Variants in AFP observed in about 807,000 individuals in gnomAD.
The protein encoded by AFP is alpha-fetoprotein.
AFP carries 64 observed loss-of-function variants against 78.9 expected under a neutral mutation model. That is an observed-to-expected ratio of 0.81 (90% CI 0.66 to 1.00). The LOEUF is 1.00. Among genes scored for constraint, AFP ranks in the 50% least tolerant of loss-of-function variants. The pLI is 0.00. For missense variants in AFP, 689 were observed against 703.8 expected (o/e 0.98, Z 0.24); for synonymous variants, 254 against 243.8 (o/e 1.04, Z -0.39).
At chr4:73,454,083 G>A (rs988262880) in intron 13 of AFP, among the ~76,000 whole-genome samples, 186 bp downstream of exon 13, 3 of 151,466 alleles carry the variant, frequency 2.0e-5, no homozygotes, top group Middle Eastern at 3.2e-3. Context: ...TTAATATTAG[G>A]AAAATTTATA....
intron 3 of AFP, among the ~76,000 whole-genome samples, chr4:73,438,949 C>A (rs2149333004): frequency 6.6e-6 from 1 of 152,190 alleles, no homozygotes. Flanking sequence ...TGGGAACCAC[C>A]AAATGGCAGA....
At position 73,450,236 on chromosome 4, in the gene AFP, T is replaced by C. The variant is rs1051493169; in HGVS notation, c.1289+103T>C. 13 of 998,302 alleles carry C rather than the reference T, an allele frequency of 1.3e-5. No homozygotes were observed. In the East Asian group the frequency reaches 3.4e-4, roughly 26 times the overall value. The allele number at this position is 998,302 out of a possible 1,614,324, so 61.8% of individuals were successfully genotyped here. A position where few individuals can be genotyped will look rare whatever the true frequency, so the allele number is the denominator to read the frequency against. On this transcript the variant is annotated intron_variant, in intron 10 of 14. Coordinates refer to ENST00000395792, the MANE Select transcript of AFP (RefSeq NM_001134.3). ...GAAGCAACAAGAATGACCTGTGAGG[T>C]CTGATCTGTGGTATTGACTTTAAGT... is the stretch of plus-strand genomic sequence containing the variant.
chr4:73,450,646 C>G lies in AFP; in HGVS notation c.1321C>G (p.Gln441Glu). 1 of 1,614,190 alleles carries G rather than the reference C, an allele frequency of 6.2e-7. No homozygotes were observed. The highest frequency in any genetic ancestry group is 1.3e-5 in the African/African-American group (1 of 75,054). ...CGTTGCTTACACAAAGAAAGCCCCCCAGCTGACCTCGTCGGAGCTGATGGC... is the reference window on the plus strand; with the variant it reads ...CGTTGCTTACACAAAGAAAGCCCCCGAGCTGACCTCGTCGGAGCTGATGGC... Reference protein sequence around the residue: ...FLVAYTKKAPQLTSSELMAIT... With the variant: ...FLVAYTKKAPELTSSELMAIT... The change falls in exon 11 of 15, where the codon CAG (glutamine) becomes GAG (glutamate). Residue 441 changes from glutamine to glutamate, a missense_variant. By Grantham distance (29) the Gln-to-Glu change is conservative. Transcript: ENST00000395792.
rs768712248 is a variant in AFP at position 73,442,406 on chromosome 4, C to A, written c.593C>A (p.Ala198Glu). The change falls in exon 5 of 15, where the codon GCA (alanine) becomes GAA (glutamate). Residue 198 changes from alanine to glutamate, a missense_variant. Physicochemically the swap from Ala to Glu is moderately radical, Grantham distance 107 (BLOSUM62 -1). Coordinates refer to ENST00000395792, the MANE Select transcript of AFP (RefSeq NM_001134.3). ...IIPSCCKAEN[A>E]VECFQTKAAT... Reference sequence around the variant, plus strand: ...CCATCTTGCTGCAAAGCTGAAAATGCAGTTGAATGCTTCCAAACAAAGGTA... The same window carrying A: ...CCATCTTGCTGCAAAGCTGAAAATGAAGTTGAATGCTTCCAAACAAAGGTA... The A allele has an allele frequency of 1.2e-6, 2 of 1,614,054 alleles. No individual in the cohort carries two copies. The highest frequency in any genetic ancestry group is 1.7e-5 in the Admixed American group (1 of 60,028).
intron 3 of AFP, among the ~76,000 whole-genome samples, 169 bp downstream of exon 3, chr4:73,438,475 T>C (rs369717796): frequency 3.4e-4 from 51 of 152,104 alleles, no homozygotes; most frequent in African/African-American, 1.2e-3. Flanking sequence ...AAGAGAACAA[T>C]AGGTAGTTAT....
At chr4:73,449,665 C>A (rs1471957647) in intron 9 of AFP, among the ~76,000 whole-genome samples, 198 bp downstream of exon 9, 1 of 152,154 alleles carries the variant, frequency 6.6e-6, no homozygotes, top group Non-Finnish European at 1.5e-5. Context: ...AATTGCTTCT[C>A]AGCCTTTTGG....
Position 73,445,141 on chromosome 4 carries a change from T to C in AFP, c.843+19T>C, listed in dbSNP as rs772835409. ...GGATGGGGTGAAGAGTCTTGCTTCT[T>C]AAAATAGAAGATTTTCACTCCCTTT... On this transcript the variant is annotated intron_variant, in intron 7 of 14. Transcript: ENST00000395792. The C allele has an allele frequency of 5.6e-6, 9 of 1,613,190 alleles. No individual in the cohort carries two copies. The highest frequency in any genetic ancestry group is 2.7e-5 in the African/African-American group (2 of 74,890).
At position 73,438,284 on chromosome 4, in the gene AFP, CTTCAGGG is replaced by C; in HGVS notation, c.250_256del (p.Ser84ValfsTer2). The C allele has an allele frequency of 6.2e-7, 1 of 1,613,130 alleles. No homozygotes were observed. The highest frequency in any genetic ancestry group is 8.5e-7 in the Non-Finnish European group (1 of 1,179,380). ...GAGAAACCCACTGGAGATGAACAGT[CTTCAGGG>C]TGTTTAGAAAACCAGGTGAGTGAAT... On this transcript the variant is annotated frameshift_variant, in exon 3 of 15. Coordinates refer to ENST00000395792, the MANE Select transcript of AFP (RefSeq NM_001134.3). LOFTEE classifies it high-confidence loss of function.
intron 7 of AFP, among the ~76,000 whole-genome samples, chr4:73,445,326 T>C (rs560952249): frequency 2.0e-5 from 3 of 152,296 alleles, no homozygotes; most frequent in African/African-American, 4.8e-5. Flanking sequence ...ATACCCCTTT[T>C]TGTGAAACCA....
In AFP at chr4:73,438,089, AAC is replaced by A. The variant is rs1024389265; in HGVS notation, c.138-83_138-82del. 4.5e-6 allele frequency: 7 copies of A among 1,568,228 alleles called. No individual in the cohort carries two copies. The Admixed American group carries it at 1.3e-4, about 28-fold the overall frequency. ...AGATTACAACATAAATAGAAAACAA[AAC>A]AAACAAATGAAAAACTATACTTGAG... On this transcript the variant is annotated intron_variant, in intron 2 of 14. Coordinates refer to ENST00000395792, the MANE Select transcript of AFP (RefSeq NM_001134.3).
intron 7 of AFP, among the ~76,000 whole-genome samples, chr4:73,446,745 C>T (rs915221340): frequency 6.6e-6 from 1 of 151,954 alleles, no homozygotes; most frequent in African/African-American, 2.4e-5. Context: ...TGTTTAGGGG[C>T]AAATTTGAAT....
Position 73,438,307 on chromosome 4 carries a change from G to A in AFP, c.270+1G>A. The A allele has an allele frequency of 3.1e-6, 5 of 1,611,174 alleles. No homozygotes were observed. The highest frequency in any genetic ancestry group is 4.2e-6 in the Non-Finnish European group (5 of 1,178,118). On this transcript the variant is annotated splice_donor_variant, in intron 3 of 14. Transcript: ENST00000395792. LOFTEE classifies it high-confidence loss of function. ...GTCTTCAGGGTGTTTAGAAAACCAG[G>A]TGAGTGAATAATTTTAAAAAAGCAT...
rs756825289 is a variant in AFP, at chr4:73,440,731, G to A, written c.400G>A (p.Ala134Thr). The A allele has an allele frequency of 6.2e-7, 1 of 1,614,144 alleles. No homozygotes were observed. The highest frequency in any genetic ancestry group is 1.3e-5 in the African/African-American group (1 of 75,050). ...CFLAHKKPTPASIPLFQVPEP... is the reference protein window; with the variant it reads ...CFLAHKKPTPTSIPLFQVPEP... ...TCTTGCACACAAAAAGCCCACTCCA[G>A]CATCGATCCCACTTTTCCAAGTTCC... Residue 134 changes from alanine to threonine, a missense_variant, in exon 4 of 15, where the codon GCA becomes ACA. Coordinates refer to ENST00000395792, the MANE Select transcript of AFP (RefSeq NM_001134.3).
intron 11 of AFP, 89 bp from the exon 12 acceptor site, chr4:73,452,311 GA>G: frequency 9.8e-7 from 1 of 1,015,274 alleles, no homozygotes; most frequent in Non-Finnish European, 1.6e-6. Context: ...CTGGGCATTA[GA>G]AATTATTGCA....
At position 73,450,657 on chromosome 4, in the gene AFP, G is replaced by A. The variant is rs772093482; in HGVS notation, c.1332G>A (p.Ser444=). 14 of 1,614,022 alleles carry A rather than the reference G, an allele frequency of 8.7e-6. No individual in the cohort carries two copies. Among genetic ancestry groups the A allele is most frequent in the South Asian group, 1.1e-5 (1 of 91,084 alleles). ...AYTKKAPQLT[S]SELMAITRKM... is the part of the protein sequence containing the mutation. ...CAAAGAAAGCCCCCCAGCTGACCTC[G>A]TCGGAGCTGATGGCCATCACCAGAA... The change falls in exon 11 of 15, where the codon TCG becomes TCA. Residue 444 remains serine (S), a synonymous_variant. Coordinates refer to ENST00000395792, the MANE Select transcript of AFP (RefSeq NM_001134.3).
chr4:73,454,208 G>A (rs1720096068), intron 13 of AFP, among the ~76,000 whole-genome samples: 2 of 151,914 alleles, frequency 1.3e-5, no homozygotes, highest in Admixed American at 1.3e-4. Flanking sequence ...GCCTAAAATT[G>A]ATCAATTCAG....
Position 73,441,961 on chromosome 4 carries a change from C to T in AFP, c.483-335C>T, listed in dbSNP as rs148648861. Among the ~76,000 whole-genome samples the T allele has an allele frequency of 8.5e-5, 13 of 152,308 alleles. No individual in the cohort carries two copies. The East Asian group carries it at 2.5e-3, about 29-fold the overall frequency. ...TCTGTTGCACTTAGCAGAAGTCTGG[C>T]TTTGCTGATCCCTGAAACATATCTG... On this transcript the variant is annotated intron_variant, in intron 4 of 14. Coordinates refer to ENST00000395792, the MANE Select transcript of AFP (RefSeq NM_001134.3).
At chr4:73,455,161 A>T in intron 13 of AFP, 75 bp from the exon 14 acceptor site, 1 of 1,163,560 alleles carries the variant, frequency 8.6e-7, no homozygotes, top group Non-Finnish European at 1.3e-6. Context: ...TTCACCCCGG[A>T]TTGTAGAGTG....
At position 73,449,333 on chromosome 4, in the gene AFP, A is replaced by G; in HGVS notation, c.1059-2A>G. 1 of 1,612,396 alleles carries G rather than the reference A, an allele frequency of 6.2e-7. No individual in the cohort carries two copies. The highest frequency in any genetic ancestry group is 1.1e-5 in the South Asian group (1 of 91,012). On this transcript the variant is annotated splice_acceptor_variant, in intron 8 of 14. Transcript: ENST00000395792. LOFTEE classifies it high-confidence loss of function. ...TGAAATATTTTTCTCCACATATTTC[A>G]GTTTTGTTCATGAATATTCAAGAAG...
Sources: allele counts gnomAD v4.1 joint callset (sites outside exome capture counted in the v4.1 genomes callset), GRCh38; gene constraint gnomAD v4.1.1; transcripts MANE v1.5; gene names NCBI Gene and HGNC (gene_info 2026-07-23, HGNC 2026-07-21).